The following GPC3 variants were observed in gnomAD, a reference collection of about 807,000 sequenced individuals.
The protein encoded by GPC3 is glypican-3.
GPC3 carries 3 observed loss-of-function variants against 34.4 expected under a neutral mutation model. The ratio of observed to expected loss-of-function variants is 0.09; its 90% CI spans 0.04 to 0.23. GPC3 has a LOEUF of 0.23. Among genes scored for constraint, GPC3 ranks in the 10% least tolerant of loss-of-function variants. The pLI is 1.00. For synonymous variants in GPC3, 177 were observed against 174.0 expected (o/e 1.02, Z -0.13); for missense variants, 351 against 445.6 (o/e 0.79, Z 1.91).
At chrX:133,565,935 A>G (rs2069577954) in intron 7 of GPC3, among the ~76,000 whole-genome samples, 1 of 112,447 alleles carries the variant, frequency 8.9e-6, no homozygotes, top group Admixed American at 9.4e-5. Flanking sequence ...TAATTTTATC[A>G]TCTCCAAAGT....
At chrX:133,624,777 C>T (rs1228056807) in intron 6 of GPC3, among the ~76,000 whole-genome samples, 18 of 110,561 alleles carry the variant, frequency 1.6e-4, no homozygotes, top group Admixed American at 4.8e-4. Flanking sequence ...TTCCAATCAA[C>T]AGAAAAAGAG....
intron 7 of GPC3, among the ~76,000 whole-genome samples, chrX:133,564,437 C>A (rs190695616): frequency 9.0e-6 from 1 of 111,077 alleles, no homozygotes; most frequent in East Asian, 2.8e-4. Flanking sequence ...TTTGTTTAAA[C>A]GACAATGGGT....
At chrX:133,707,961 C>T (rs2071233393) in intron 3 of GPC3, among the ~76,000 whole-genome samples, 1 of 111,367 alleles carries the variant, frequency 9.0e-6, no homozygotes, top group African/African-American at 3.3e-5. Context: ...ATTTTAATCA[C>T]TACAGATGAG....
intron 1 of GPC3, among the ~76,000 whole-genome samples, chrX:133,960,560 T>C (rs774171707): frequency 4.5e-5 from 5 of 111,639 alleles, no homozygotes; most frequent in Non-Finnish European, 9.4e-5. Context: ...TAAGAGCAGA[T>C]AAAGCATATT....
At chrX:133,655,071 G>A (rs2070642335) in intron 6 of GPC3, among the ~76,000 whole-genome samples, 1 of 111,348 alleles carries the variant, frequency 9.0e-6, no homozygotes, top group South Asian at 3.8e-4. Flanking sequence ...AATATGCAAG[G>A]ACTAAAATAC....
intron 2 of GPC3, among the ~76,000 whole-genome samples, chrX:133,893,860 T>A (rs2076099719): frequency 8.9e-6 from 1 of 111,804 alleles, no homozygotes; most frequent in South Asian, 3.7e-4. Flanking sequence ...TTTGCTTTGT[T>A]TTGTTTTTTG....
chrX:133,850,804 T>C (rs1224105490), intron 2 of GPC3, among the ~76,000 whole-genome samples: 2 of 111,061 alleles, frequency 1.8e-5, no homozygotes, highest in African/African-American at 6.5e-5. Flanking sequence ...TATTCAGGAT[T>C]AAACACAAAC....
intron 7 of GPC3, among the ~76,000 whole-genome samples, chrX:133,538,886 A>ATTT (rs35105127): frequency 1.2e-5 from 1 of 83,698 alleles, no homozygotes. Flanking sequence ...TATTATTTGT[A>ATTT]TTTTTTTTTT....
chrX:133,981,329 CT>C (rs1310277602), intron 1 of GPC3, among the ~76,000 whole-genome samples: 1 of 111,987 alleles, frequency 8.9e-6, no homozygotes, highest in Non-Finnish European at 1.9e-5. Context: ...TCACTCCTCT[CT>C]GCAACCCCAG....
intron 6 of GPC3, among the ~76,000 whole-genome samples, chrX:133,599,957 G>A (rs1199110544): frequency 9.0e-6 from 1 of 111,335 alleles, no homozygotes; most frequent in Non-Finnish European, 1.9e-5. Flanking sequence ...CATTAATAAA[G>A]CTTTCCTGGT....
intron 7 of GPC3, among the ~76,000 whole-genome samples, chrX:133,594,367 C>T (rs147735693): frequency 3.6e-5 from 4 of 110,962 alleles, no homozygotes; most frequent in Non-Finnish European, 7.5e-5. Context: ...AGTTGAGACT[C>T]GTGGTAATGA....
chrX:133,869,058 G>T (rs1471029453), intron 2 of GPC3, among the ~76,000 whole-genome samples: 1 of 111,911 alleles, frequency 8.9e-6, no homozygotes, highest in African/African-American at 3.2e-5. Flanking sequence ...AATTAGGCCT[G>T]ATATTCCTTT....
intron 2 of GPC3, among the ~76,000 whole-genome samples, chrX:133,849,454 G>A (rs2075862676): frequency 9.0e-6 from 1 of 111,336 alleles, no homozygotes. Flanking sequence ...ACCTGTCAAG[G>A]TGTAACAATA....
intron 7 of GPC3, among the ~76,000 whole-genome samples, chrX:133,540,976 G>C (rs1480436865): frequency 9.3e-6 from 1 of 108,089 alleles, no homozygotes; most frequent in Non-Finnish European, 1.9e-5. Context: ...TGGGGGAAGA[G>C]GTGGTGGGAG....
chrX:133,738,532 T>C (rs965171630), intron 3 of GPC3, among the ~76,000 whole-genome samples: 1 of 111,715 alleles, frequency 9.0e-6, no homozygotes, highest in Non-Finnish European at 1.9e-5. Context: ...GTAATAGACA[T>C]CTATTCATTT....
At chrX:133,829,656 G>A (rs1260415403) in intron 2 of GPC3, among the ~76,000 whole-genome samples, 1 of 111,194 alleles carries the variant, frequency 9.0e-6, no homozygotes, top group Non-Finnish European at 1.9e-5. Flanking sequence ...ATCAATAACA[G>A]AAGGGAATTT....
intron 2 of GPC3, among the ~76,000 whole-genome samples, chrX:133,866,454 G>A (rs1386448492): frequency 1.8e-5 from 2 of 111,151 alleles, no homozygotes; most frequent in South Asian, 7.7e-4. Context: ...TGAAAAATGA[G>A]GTATACTCCC....
intron 2 of GPC3, among the ~76,000 whole-genome samples, chrX:133,759,791 A>T: frequency 8.9e-6 from 1 of 111,838 alleles, no homozygotes; most frequent in East Asian, 2.8e-4. Flanking sequence ...GCAGAAAAAC[A>T]TCCATTCTGC....
At chrX:133,829,235 A>G (rs771778415) in intron 2 of GPC3, among the ~76,000 whole-genome samples, 3 of 112,424 alleles carry the variant, frequency 2.7e-5, no homozygotes, top group Non-Finnish European at 5.6e-5. Context: ...AAAAAATTTT[A>G]TAACGGTAAA....
Sources: allele counts gnomAD v4.1 joint callset (sites outside exome capture counted in the v4.1 genomes callset), GRCh38; gene constraint gnomAD v4.1.1; transcripts MANE v1.5; gene names NCBI Gene and HGNC (gene_info 2026-07-23, HGNC 2026-07-21).